The following SEMA4C variants were observed in gnomAD, a reference collection of about 807,000 sequenced individuals.
SEMA4C encodes semaphorin 4C.
In SEMA4C, 19 loss-of-function variants were observed where a neutral mutation model predicts 89.0. The ratio of observed to expected loss-of-function variants is 0.21; its 90% confidence interval spans 0.15 to 0.31. The LOEUF (loss-of-function observed/expected upper bound fraction) is 0.31. Among genes scored for constraint, SEMA4C ranks in the 10% least tolerant of loss-of-function variants. The pLI, the probability that SEMA4C is intolerant of heterozygous loss-of-function variation, is 1.00. For synonymous variants in SEMA4C, 428 were observed against 472.7 expected (o/e 0.91, Z 1.23); for missense variants, 811 against 1,107.0 (o/e 0.73, Z 3.79).
chr2:96,861,892 C>T lies in SEMA4C; in HGVS notation c.1446G>A (p.Lys482=), dbSNP rs771169574. Residue 482 remains lysine, a splice_region_variant and synonymous_variant, in exon 13 of 15, where the codon AAG becomes AAA. Coordinates refer to ENST00000305476, the MANE Select transcript of SEMA4C (RefSeq NM_017789.5). The surrounding 1 kb of genome is among the most constrained non-coding windows in gnomAD (Gnocchi z 7.8). ...MRSLVLSQSK[K]LLFAGSRSQL... ...GAGAGCGGGAGCCGGCAAAGAGCAGCTTCTGCGAGAAAAGCGGGGCGCAGG... is the reference window on the plus strand; with the variant it reads ...GAGAGCGGGAGCCGGCAAAGAGCAGTTTCTGCGAGAAAAGCGGGGCGCAGG... 6.2e-7 allele frequency: 1 copy of T among 1,609,154 alleles called. No individual in the cohort carries two copies. The highest frequency in any genetic ancestry group is 1.7e-5 in the Admixed American group (1 of 59,350).
rs371197229 is a variant in SEMA4C, at chr2:96,864,276, G to A, written c.1069C>T (p.Arg357Cys). The A allele has an allele frequency of 1.1e-5, 17 of 1,613,880 alleles. No homozygotes were observed. Among genetic ancestry groups the A allele is most frequent in the African/African-American group, 8.0e-5 (6 of 74,886 alleles). Residue 357 changes from arginine (R) to cysteine (C), a missense_variant, in exon 10 of 15, where the codon CGC becomes TGC. Physicochemically the swap from Arg to Cys is radical, Grantham distance 180. This residue lies in a region of SEMA4C where 441 missense variants were observed against 664.9 expected (regional missense o/e 0.66). Coordinates refer to ENST00000305476, the MANE Select transcript of SEMA4C (RefSeq NM_017789.5). This position sits in a 1 kb window ranked among gnomAD's most constrained non-coding sequence, Gnocchi z 6.3. ...EYHEEAQKWD[R>C]YTDPVPSPRP... Reference sequence around the variant, plus strand: ...GGGCTGGGTACAGGGTCAGTGTAGCGGTCCCACTTCTGGGCTTCCTCATGG... The same window carrying A: ...GGGCTGGGTACAGGGTCAGTGTAGCAGTCCCACTTCTGGGCTTCCTCATGG...
chr2:96,868,834 C>G, intron 1 of SEMA4C: 1 of 985,408 alleles, frequency 1.0e-6, no homozygotes, highest in Non-Finnish European at 1.2e-6. Flanking sequence ...TCCCGCGACT[C>G]TGACGAACCT....
intron 3 of SEMA4C, 96 bp downstream of exon 3, chr2:96,866,187 G>C: frequency 6.7e-7 from 1 of 1,494,128 alleles, no homozygotes; most frequent in Non-Finnish European, 9.0e-7. Flanking sequence ...CACTTCTGTG[G>C]GGGCAGCCAG....
At position 96,861,368 on chromosome 2, in the gene SEMA4C, C is replaced by A. The variant is rs775883831; in HGVS notation, c.1760G>T (p.Arg587Leu). The stretch of plus-strand genomic sequence containing the variant: ...CAGGTCCCGGCCCCCAAAGGTCCAG[C>A]GGGCATGGGCCAAGTTGGAGGAGAG... Reference protein sequence around the residue: ...CHLSSNLAHARWTFGGRDLPA... With the variant: ...CHLSSNLAHALWTFGGRDLPA... The change falls in exon 15 of 15, where the codon CGC becomes CTC. Residue 587 changes from arginine to leucine, a missense_variant. Physicochemically the swap from Arg to Leu is moderately radical, Grantham distance 102. Transcript: ENST00000305476. The surrounding 1 kb of genome is among the most constrained non-coding windows in gnomAD (Gnocchi z 7.8). The A allele has an allele frequency of 6.2e-7, 1 of 1,608,606 alleles. No homozygotes were observed. The highest frequency in any genetic ancestry group is 1.7e-5 in the Admixed American group (1 of 60,004).
upstream of SEMA4C, chr2:96,870,167 C>T: frequency 8.1e-6 from 8 of 983,630 alleles, no homozygotes; most frequent in Non-Finnish European, 9.7e-6. Context: ...CGAAGGCTCG[C>T]TCAGGAGGGG....
chr2:96,870,024 C>T lies in SEMA4C; in HGVS notation c.-186G>A. 1 of 985,220 alleles carries T rather than the reference C, an allele frequency of 1.0e-6. No individual in the cohort carries two copies. The highest frequency in any genetic ancestry group is 1.2e-6 in the Non-Finnish European group (1 of 829,396). The allele number at this position is 985,220 out of a possible 1,614,324, so 61.0% of individuals were successfully genotyped here. A position where few individuals can be genotyped will look rare whatever the true frequency, so the allele number is the denominator to read the frequency against. ...ACCGCCCCTCCGTCCCCGCCCGGCT[C>T]CGCGCCCCTAGGCTCGGGCTCCCCG... On this transcript the variant is annotated 5_prime_UTR_variant, in exon 1 of 15. Transcript: ENST00000305476.
intron 1 of SEMA4C, chr2:96,868,502 C>T: frequency 1.0e-6 from 1 of 988,338 alleles, no homozygotes; most frequent in Non-Finnish European, 1.2e-6. Context: ...ACCCCAAACC[C>T]CGTTCCACAT....
Position 96,864,700 on chromosome 2 carries a change from C to T in SEMA4C, c.962+5G>A. 1 of 1,601,934 alleles carries T rather than the reference C, an allele frequency of 6.2e-7. No individual in the cohort carries two copies. The highest frequency in any genetic ancestry group is 8.5e-7 in the Non-Finnish European group (1 of 1,172,056). ...CCCACTCTGTGGGAGCCCTGGCCAA[C>T]TCACCACTGTGCTTGAAAAACCCCA... On this transcript the variant is annotated splice_donor_5th_base_variant and intron_variant, in intron 9 of 14. Transcript: ENST00000305476. The surrounding 1 kb of genome is among the most constrained non-coding windows in gnomAD (Gnocchi z 6.3).
rs1359540327 is a variant in SEMA4C at position 96,867,933 on chromosome 2, G to GA, written c.-37-11dup. 1 of 1,612,676 alleles carries GA rather than the reference G, an allele frequency of 6.2e-7. No homozygotes were observed. ...CTTCAGGCCAGCTGTCCTGCTGAGG[G>GA]AAAAGACATGGTCAGAAATCACAGC... is the stretch of plus-strand genomic sequence containing the variant. On this transcript the variant is annotated splice_polypyrimidine_tract_variant and intron_variant, in intron 1 of 14. Transcript: ENST00000305476.
intron 7 of SEMA4C, 23 bp from the exon 8 acceptor site, chr2:96,865,138 G>T: frequency 6.3e-7 from 1 of 1,594,392 alleles, no homozygotes; most frequent in African/African-American, 1.3e-5. Flanking sequence ...GAGGAGGTCA[G>T]CAGGGAGGGG....
intron 12 of SEMA4C, 146 bp downstream of exon 12, chr2:96,863,536 G>A (rs2080000002): frequency 3.2e-6 from 4 of 1,259,826 alleles, no homozygotes; most frequent in Admixed American, 2.5e-5. Context: ...CCCACCCCAA[G>A]TTAGGCAAGG....
chr2:96,865,520 A>T lies in SEMA4C; in HGVS notation c.438T>A (p.Thr146=). ...CATCTTCAAACTCTCCATGCTCCAA[A>T]GTGAAGGTGAGCATGTTCTAAGGAC... ...KCTYVNMLTF[T]LEHGEFEDGK... is the part of the protein sequence containing the mutation. Residue 146 remains threonine, a synonymous_variant, in exon 6 of 15, where the codon ACT becomes ACA. Coordinates refer to ENST00000305476, the MANE Select transcript of SEMA4C (RefSeq NM_017789.5). 1 of 1,613,760 alleles carries T rather than the reference A, an allele frequency of 6.2e-7. No individual in the cohort carries two copies. The highest frequency in any genetic ancestry group is 8.5e-7 in the Non-Finnish European group (1 of 1,179,876).
Position 96,870,017 on chromosome 2 carries a change from C to G in SEMA4C, c.-179G>C. The G allele has an allele frequency of 1.0e-6, 1 of 985,688 alleles. No individual in the cohort carries two copies. The highest frequency in any genetic ancestry group is 1.2e-6 in the Non-Finnish European group (1 of 829,694). The allele number at this position is 985,688 out of a possible 1,614,324, so 61.1% of individuals were successfully genotyped here. ...CTCTGCCACCGCCCCTCCGTCCCCG[C>G]CCGGCTCCGCGCCCCTAGGCTCGGG... On this transcript the variant is annotated 5_prime_UTR_variant, in exon 1 of 15. Transcript: ENST00000305476.
upstream of SEMA4C, chr2:96,870,121 G>A: frequency 4.1e-6 from 4 of 971,914 alleles, no homozygotes; most frequent in Non-Finnish European, 4.9e-6. Context: ...CTTGACGTCA[G>A]GCTGGGGGGG....
chr2:96,864,730 A>T lies in SEMA4C; in HGVS notation c.937T>A (p.Phe313Ile). ...CACTGTGCTTGAAAAACCCCAAAGA[A>T]GGTGGTGTTGTGCCAGGAGGTGTCC... The part of the protein sequence containing the change: ...LQDTSWHNTT[F>I]FGVFQAQWGD... Residue 313 changes from phenylalanine (F) to isoleucine (I), a missense_variant, in exon 9 of 15, where the codon TTC becomes ATC. This residue lies in a region of SEMA4C where 441 missense variants were observed against 664.9 expected (regional missense o/e 0.66). Transcript: ENST00000305476. The surrounding 1 kb of genome is among the most constrained non-coding windows in gnomAD (Gnocchi z 6.3). 1 of 1,611,976 alleles carries T rather than the reference A, an allele frequency of 6.2e-7. No homozygotes were observed. The highest frequency in any genetic ancestry group is 8.5e-7 in the Non-Finnish European group (1 of 1,178,586).
intron 2 of SEMA4C, among the ~76,000 whole-genome samples, 199 bp downstream of exon 2, chr2:96,867,579 G>A (rs2080108391): frequency 6.6e-6 from 1 of 152,174 alleles, no homozygotes; most frequent in South Asian, 2.1e-4. Context: ...CCACACCTGG[G>A]CAGGCAGTCT....
chr2:96,860,732 C>T lies in SEMA4C; in HGVS notation c.2396G>A (p.Arg799Gln), dbSNP rs372203425. Residue 799 changes from arginine to glutamine, a missense_variant, in exon 15 of 15, where the codon CGG (arginine) becomes CAG (glutamine). Arg to Gln is a conservative substitution (Grantham distance 43). Coordinates refer to ENST00000305476, the MANE Select transcript of SEMA4C (RefSeq NM_017789.5). Reference sequence around the variant, plus strand: ...AGGCAGGGGGTGCCCGAGCCCTCCCCGGTCCTCCCCTCCTAGTTGTAAGCG... The same window carrying T: ...AGGCAGGGGGTGCCCGAGCCCTCCCTGGTCCTCCCCTCCTAGTTGTAAGCG... ...YVRLQLGGED[R>Q]GGLGHPLPEL... The T allele has an allele frequency of 4.0e-5, 64 of 1,613,688 alleles. No individual in the cohort carries two copies. The highest frequency in any genetic ancestry group is 8.8e-5 in the South Asian group (8 of 91,092).
At chr2:96,870,321 G>C, upstream of SEMA4C, 1 of 985,416 alleles carries the variant, frequency 1.0e-6, no homozygotes. Context: ...ACAGCGCCTG[G>C]AGGGAGGTGG....
chr2:96,869,853 C>T (rs1236340851), intron 1 of SEMA4C, 23 bp downstream of exon 1: 1 of 985,610 alleles, frequency 1.0e-6, no homozygotes, highest in East Asian at 1.1e-4. Flanking sequence ...GCTCCAGCCT[C>T]ACGCAAGCCC....
Sources: gnomAD v4.1 joint callset for allele counts (sites outside exome capture counted in the v4.1 genomes callset) on GRCh38, gnomAD v4.1.1 for gene constraint, gnomAD v4.1.1 regional missense constraint, Gnocchi (gnomAD v3.1) non-coding constraint, MANE v1.5 for transcripts, NCBI Gene and HGNC (gene_info 2026-07-23, HGNC 2026-07-21) for gene names.